Variants in EIF2A observed in about 807,000 individuals in gnomAD.
EIF2A encodes eukaryotic translation initiation factor 2A.
EIF2A carries 62 observed loss-of-function variants against 75.2 expected under a neutral mutation model. That is an observed-to-expected ratio of 0.82 (90% CI 0.67 to 1.02). EIF2A has a LOEUF of 1.02. Among genes scored for constraint, EIF2A ranks in the 50% least tolerant of loss-of-function variants. The pLI, the probability that EIF2A is intolerant of heterozygous loss-of-function variation, is 0.00. For synonymous variants in EIF2A, 207 were observed against 239.0 expected, an observed-to-expected ratio of 0.87 and a Z score of 1.23; for missense variants, 611 against 677.7, an observed-to-expected ratio of 0.90 and a Z score of 1.09.
chr3:150,552,189 CAG>C (rs1212072727), intron 1 of EIF2A, among the ~76,000 whole-genome samples, 165 bp from the exon 2 acceptor site: 2 of 152,080 alleles, frequency 1.3e-5, no homozygotes, highest in East Asian at 1.9e-4. Flanking sequence ...TTTTATGTAA[CAG>C]AGTAAGAAAA....
chr3:150,558,242 G>T, intron 2 of EIF2A, 146 bp from the exon 3 acceptor site: 1 of 619,248 alleles, frequency 1.6e-6, no homozygotes, highest in Non-Finnish European at 2.6e-6. Context: ...AAGTATTTTG[G>T]CAGATGAAAG....
chr3:150,561,592 A>G (rs145672143), intron 3 of EIF2A, among the ~76,000 whole-genome samples: 1 of 151,970 alleles, frequency 6.6e-6, no homozygotes, highest in East Asian at 1.9e-4. Flanking sequence ...AAAAAATAAA[A>G]CAAAAGTATA....
At chr3:150,562,691 G>A (rs1194140513) in intron 4 of EIF2A, 31 bp downstream of exon 4, 1 of 1,530,190 alleles carries the variant, frequency 6.5e-7, no homozygotes, top group East Asian at 2.3e-5. Flanking sequence ...AAAATACTCT[G>A]ACACGATCAA....
rs573440302 is a variant in EIF2A, at chr3:150,572,617, G to A, written c.1383+88G>A. On this transcript the variant is annotated intron_variant, in intron 10 of 13. Coordinates refer to ENST00000460851, the MANE Select transcript of EIF2A (RefSeq NM_032025.5). ...CATCCGTAATCCCAGCACTTCGGGAGGCCGAGGCGGGAGGATCACTTGAGG... is the reference window on the plus strand; with the variant it reads ...CATCCGTAATCCCAGCACTTCGGGAAGCCGAGGCGGGAGGATCACTTGAGG... 7 of 1,289,140 alleles carry A rather than the reference G, an allele frequency of 5.4e-6. No homozygotes were observed. The South Asian group carries it at 7.2e-5, about 13-fold the overall frequency. 79.9% of individuals were successfully genotyped at this position (1,289,140 alleles called of 1,614,324 possible).
intron 9 of EIF2A, among the ~76,000 whole-genome samples, 197 bp from the exon 10 acceptor site, chr3:150,571,761 A>G (rs1385225261): frequency 1.3e-5 from 2 of 152,252 alleles, no homozygotes; most frequent in Non-Finnish European, 2.9e-5. Context: ...ATTAAGATTC[A>G]ATAGGGGTTC....
intron 1 of EIF2A, 39 bp from the exon 2 acceptor site, chr3:150,552,317 A>G (rs1362124476): frequency 1.3e-6 from 2 of 1,520,846 alleles, no homozygotes; most frequent in South Asian, 2.5e-5. Context: ...AGTCTTTATT[A>G]ACAAAGTAAT....
chr3:150,568,071 C>T (rs780841334), intron 8 of EIF2A, 25 bp downstream of exon 8: 39 of 1,602,156 alleles, frequency 2.4e-5, no homozygotes, highest in Non-Finnish European at 3.2e-5. Context: ...TTTTATCCCT[C>T]CCTTTGTTTA....
intron 1 of EIF2A, among the ~76,000 whole-genome samples, chr3:150,550,621 C>G (rs888983605): frequency 6.6e-6 from 1 of 152,110 alleles, no homozygotes; most frequent in African/African-American, 2.4e-5. Flanking sequence ...CTGAGGGAAG[C>G]AGATTGGATT....
intron 13 of EIF2A, 78 bp from the exon 14 acceptor site, chr3:150,583,768 T>A (rs920368964): frequency 7.6e-7 from 1 of 1,321,224 alleles, no homozygotes; most frequent in African/African-American, 1.5e-5. Flanking sequence ...TTGTCAGAAA[T>A]ACCATTTTTT....
Position 150,585,130 on chromosome 3 carries a change from A to C in EIF2A, c.*1219A>C, listed in dbSNP as rs73001357. Among the ~76,000 whole-genome samples the C allele has an allele frequency of 4.0e-3, 615 of 152,210 alleles. 5 individuals are homozygous for C. The highest frequency in any genetic ancestry group is 0.014 in the African/African-American group (585 of 41,524). ...AGTGCACCTTGAACTCCTGGACTCA[A>C]GTGATCCTTCACCTCCTCCTTCCAA... On this transcript the variant is annotated 3_prime_UTR_variant, in exon 14 of 14. Transcript: ENST00000460851.
At chr3:150,559,960 A>G (rs1210649432) in intron 3 of EIF2A, among the ~76,000 whole-genome samples, 1 of 152,056 alleles carries the variant, frequency 6.6e-6, no homozygotes, top group East Asian at 1.9e-4. Flanking sequence ...TTTAATCCAT[A>G]TTTTAGTTTG....
In EIF2A at chr3:150,558,274, T is replaced by C. The variant is rs1723670003; in HGVS notation, c.99-114T>C. The stretch of plus-strand genomic sequence containing the variant: ...AAAGCATTTTGGAATTTTCTGAAAT[T>C]TGTGCAAGTTCTTAGTTATTAAATT... On this transcript the variant is annotated intron_variant, in intron 2 of 13. Transcript: ENST00000460851. The C allele has an allele frequency of 5.4e-6, 5 of 925,476 alleles. No homozygotes were observed. The East Asian group carries it at 1.3e-4, about 25-fold the overall frequency. The allele number at this position is 925,476 out of a possible 1,614,324, so 57.3% of individuals were successfully genotyped here. A position where few individuals can be genotyped will look rare whatever the true frequency, so the allele number is the denominator to read the frequency against.
intron 2 of EIF2A, among the ~76,000 whole-genome samples, chr3:150,554,563 T>A (rs1051193411): frequency 1.3e-5 from 2 of 152,220 alleles, no homozygotes; most frequent in African/African-American, 4.8e-5. Flanking sequence ...TCGGATTCAT[T>A]AGATCAGCGG....
At chr3:150,576,227 G>A (rs1724857413) in intron 11 of EIF2A, among the ~76,000 whole-genome samples, 1 of 152,126 alleles carries the variant, frequency 6.6e-6, no homozygotes, top group African/African-American at 2.4e-5. Context: ...AATTGCTTGA[G>A]CCCAGTTCGA....
Position 150,581,679 on chromosome 3 carries a change from G to A in EIF2A, c.1559G>A (p.Arg520Gln), listed in dbSNP as rs746915859. 4.3e-5 allele frequency: 67 copies of A among 1,553,068 alleles called. No homozygotes were observed. Among genetic ancestry groups the A allele is most frequent in the South Asian group, 1.4e-4 (12 of 84,122 alleles). ...APTPAPQSTP[R>Q]NTVSQSISGD... is the part of the protein sequence containing the mutation. ...ACTCCTGCCCCACAGAGCACACCAC[G>A]AAACACTGTCTCTCAGTCAATTTCT... The change falls in exon 12 of 14, where the codon CGA becomes CAA. Residue 520 changes from arginine to glutamine, a missense_variant. Coordinates refer to ENST00000460851, the MANE Select transcript of EIF2A (RefSeq NM_032025.5).
intron 1 of EIF2A, chr3:150,547,214 C>T: frequency 8.6e-6 from 2 of 231,542 alleles, no homozygotes; most frequent in South Asian, 1.1e-4. Flanking sequence ...AGTTAGTCCT[C>T]TAGAATGATC....
At chr3:150,560,565 G>A (rs1401481319) in intron 3 of EIF2A, among the ~76,000 whole-genome samples, 2 of 152,178 alleles carry the variant, frequency 1.3e-5, no homozygotes, top group Non-Finnish European at 2.9e-5. Context: ...GCAGCAAGTT[G>A]TAAAGATTTC....
intron 1 of EIF2A, among the ~76,000 whole-genome samples, chr3:150,548,951 C>T (rs1484197998): frequency 6.6e-6 from 1 of 152,188 alleles, no homozygotes; most frequent in Admixed American, 6.5e-5. Flanking sequence ...ATCTTTTAAA[C>T]ATTCTCAGTG....
At chr3:150,558,007 G>A (rs1723657395) in intron 2 of EIF2A, among the ~76,000 whole-genome samples, 1 of 152,116 alleles carries the variant, frequency 6.6e-6, no homozygotes, top group African/African-American at 2.4e-5. Context: ...CTTCACTTCG[G>A]AGATACAGTA....
Sources: gnomAD v4.1 joint callset for allele counts (sites outside exome capture counted in the v4.1 genomes callset) on GRCh38, gnomAD v4.1.1 for gene constraint, MANE v1.5 for transcripts, NCBI Gene and HGNC (gene_info 2026-07-23, HGNC 2026-07-21) for gene names.